The following ISM1 variants were observed in gnomAD, a reference collection of about 807,000 sequenced individuals.
ISM1 encodes isthmin 1.
ISM1 carries 25 observed loss-of-function variants against 46.3 expected under a neutral mutation model. The observed-to-expected ratio is 0.54, with a 90% CI of 0.39 to 0.75. The LOEUF (loss-of-function observed/expected upper bound fraction) is 0.75. Among genes scored for constraint, ISM1 ranks in the 30% least tolerant of loss-of-function variants. The pLI is 0.00. For synonymous variants in ISM1, 255 were observed against 256.7 expected, an observed-to-expected ratio of 0.99 and a Z score of 0.06; for missense variants, 536 against 625.4, an observed-to-expected ratio of 0.86 and a Z score of 1.52.
rs894817074 is a variant in ISM1, at chr20:13,299,747, G to A, written c.*288G>A. 1 of 335,716 alleles carries A rather than the reference G, an allele frequency of 3.0e-6. No homozygotes were observed. The highest frequency in any genetic ancestry group is 5.5e-6 in the Non-Finnish European group (1 of 183,092). The allele number at this position is 335,716 out of a possible 1,614,324, so 20.8% of individuals were successfully genotyped here. A position where few individuals can be genotyped will look rare whatever the true frequency, so the allele number is the denominator to read the frequency against. On this transcript the variant is annotated 3_prime_UTR_variant, in exon 6 of 6. Transcript: ENST00000262487. The surrounding 1 kb of genome is among the most constrained non-coding windows in gnomAD (Gnocchi z 5.8). ...CCAGAAGAAGAACCTGGAAGCCACA[G>A]TGGGTGCGACTCAATTCACACCCGG...
chr20:13,225,185 C>T (rs1396049552), intron 1 of ISM1, among the ~76,000 whole-genome samples: 3 of 152,016 alleles, frequency 2.0e-5, no homozygotes, highest in Non-Finnish European at 2.9e-5. Context: ...ACAAAAATCC[C>T]GGGAATTAGG....
chr20:13,251,194 T>C (rs569158983), intron 1 of ISM1, among the ~76,000 whole-genome samples: 1 of 152,312 alleles, frequency 6.6e-6, no homozygotes, highest in South Asian at 2.1e-4. Context: ...TGGTGAGCAC[T>C]TGTCCTCTCC....
At chr20:13,235,927 C>CTTTT (rs72361165) in intron 1 of ISM1, among the ~76,000 whole-genome samples, 22 of 149,562 alleles carry the variant, frequency 1.5e-4, no homozygotes, top group Non-Finnish European at 1.3e-4. Context: ...TTGTACTTCC[C>CTTTT]TTTTTTCTTT....
chr20:13,318,767 C>G, the ISM1 span, among the ~76,000 whole-genome samples: 1 of 152,226 alleles, frequency 6.6e-6, no homozygotes, highest in South Asian at 2.1e-4. Context: ...GTTAAAGAAG[C>G]CAATCTAAAG....
At chr20:13,229,781 G>A (rs2039567925) in intron 1 of ISM1, among the ~76,000 whole-genome samples, 1 of 152,060 alleles carries the variant, frequency 6.6e-6, no homozygotes, top group Non-Finnish European at 1.5e-5. Context: ...TCTCACCTCT[G>A]TAGTGCTTCA....
At chr20:13,234,870 C>G (rs956155152) in intron 1 of ISM1, among the ~76,000 whole-genome samples, 4 of 152,098 alleles carry the variant, frequency 2.6e-5, no homozygotes, top group Admixed American at 2.6e-4. Context: ...TTATCAGATG[C>G]AAATATTTTT....
At chr20:13,239,598 G>C (rs1156793491) in intron 1 of ISM1, 1 of 152,184 alleles carries the variant, frequency 6.6e-6, no homozygotes, top group Non-Finnish European at 1.5e-5. Flanking sequence ...ACATACACAA[G>C]GGTCACTGCA....
At chr20:13,254,349 A>G (rs921945492) in intron 1 of ISM1, among the ~76,000 whole-genome samples, 1 of 152,164 alleles carries the variant, frequency 6.6e-6, no homozygotes, top group African/African-American at 2.4e-5. Flanking sequence ...GTATAAACAG[A>G]TGTATATACA....
rs577146911 is a variant in ISM1, at chr20:13,249,709, A to G, written c.139-20795A>G. On this transcript the variant is annotated intron_variant, in intron 1 of 5. Transcript: ENST00000262487. ...AGTGGGGACCACTTTGCCTTTCGGA[A>G]CACACAATGGGAAGCCAAAGGAAGT... Among the ~76,000 whole-genome samples the G allele has an allele frequency of 3.7e-4, 56 of 152,320 alleles. 1 individual carries two copies. The highest frequency in any genetic ancestry group is 1.3e-3 in the African/African-American group (53 of 41,578).
At chr20:13,282,552 C>T (rs2040248876) in intron 3 of ISM1, among the ~76,000 whole-genome samples, 1 of 152,182 alleles carries the variant, frequency 6.6e-6, no homozygotes, top group Non-Finnish European at 1.5e-5. Flanking sequence ...GCCACCCTCA[C>T]CCCCAGCCTC....
intron 1 of ISM1, among the ~76,000 whole-genome samples, chr20:13,222,939 G>A (rs1310680867): frequency 6.6e-6 from 1 of 152,090 alleles, no homozygotes; most frequent in Non-Finnish European, 1.5e-5. Context: ...GAGGCGGGTG[G>A]ATCACCTCAG....
the ISM1 span, among the ~76,000 whole-genome samples, chr20:13,315,658 A>C: frequency 1.3e-5 from 2 of 152,044 alleles, no homozygotes; most frequent in Non-Finnish European, 2.9e-5. Flanking sequence ...GACATAATGG[A>C]CATCTATAGC....
intron 2 of ISM1, among the ~76,000 whole-genome samples, chr20:13,272,512 TC>T (rs1261353189): frequency 6.6e-6 from 1 of 152,214 alleles, no homozygotes; most frequent in Admixed American, 6.5e-5. Flanking sequence ...AAGCACTGTG[TC>T]CCAAGGGGGT....
At chr20:13,251,005 A>G (rs927644845) in intron 1 of ISM1, among the ~76,000 whole-genome samples, 7 of 152,188 alleles carry the variant, frequency 4.6e-5, no homozygotes, top group African/African-American at 1.7e-4. Context: ...TGACCTGGAA[A>G]TTTTATAACT....
chr20:13,230,164 C>G (rs2039572932), intron 1 of ISM1, among the ~76,000 whole-genome samples: 2 of 152,134 alleles, frequency 1.3e-5, no homozygotes, highest in South Asian at 4.1e-4. Flanking sequence ...GCCTCCAAAG[C>G]AAATAATCTC....
the ISM1 span, among the ~76,000 whole-genome samples, chr20:13,324,656 A>C: frequency 6.6e-6 from 1 of 152,348 alleles, no homozygotes; most frequent in African/African-American, 2.4e-5. Context: ...AATGAAAAAC[A>C]AAATGATGCC....
chr20:13,273,879 G>C (rs1325009099), intron 2 of ISM1, among the ~76,000 whole-genome samples: 1 of 152,144 alleles, frequency 6.6e-6, no homozygotes, highest in Non-Finnish European at 1.5e-5. Context: ...GTGGAGGGTG[G>C]CCAGCATTTT....
At chr20:13,293,952 C>T (rs528553767) in intron 5 of ISM1, among the ~76,000 whole-genome samples, 1 of 149,602 alleles carries the variant, frequency 6.7e-6, no homozygotes, top group African/African-American at 2.5e-5. Flanking sequence ...CCAGCTTGGG[C>T]AACAAGAGTG....
At chr20:13,304,012 C>A (rs937240343), downstream of ISM1, among the ~76,000 whole-genome samples, 5 of 152,246 alleles carry the variant, frequency 3.3e-5, no homozygotes, top group Non-Finnish European at 5.9e-5. Context: ...GACCCAGACT[C>A]CTTCCATCTT....
Sources: gnomAD v4.1 joint callset for allele counts (sites outside exome capture counted in the v4.1 genomes callset) on GRCh38, gnomAD v4.1.1 for gene constraint, Gnocchi (gnomAD v3.1) non-coding constraint, MANE v1.5 for transcripts, NCBI Gene and HGNC (gene_info 2026-07-23, HGNC 2026-07-21) for gene names.